DMRT1: variants seen among roughly 807,000 people sequenced by gnomAD.
DMRT1 encodes the protein doublesex and mab-3 related transcription factor 1.
In DMRT1, 7 loss-of-function variants were observed where a neutral mutation model predicts 32.3. That is an observed-to-expected ratio of 0.22 (90% CI 0.12 to 0.41). The LOEUF (loss-of-function observed/expected upper bound fraction) is 0.41. Among genes scored for constraint, DMRT1 ranks in the 10% least tolerant of loss-of-function variants. The probability of loss-of-function intolerance (pLI) is 1.00; values close to 1 mark genes in which losing one functional copy is unlikely to be tolerated. For missense variants in DMRT1, 625 were observed against 500.5 expected (o/e 1.25, Z -2.37); for synonymous variants, 278 against 206.1 (o/e 1.35, Z -2.99).
intron 2 of DMRT1, among the ~76,000 whole-genome samples, chr9:886,315 G>C (rs1040262159): frequency 1.3e-5 from 2 of 152,180 alleles, no homozygotes; most frequent in African/African-American, 4.8e-5. Context: ...CAGTGCAATG[G>C]TGCGATCTCG....
In DMRT1 at chr9:936,572, C is replaced by T. The variant is rs1469551194; in HGVS notation, c.967+19665C>T. On this transcript the variant is annotated intron_variant, in intron 4 of 4. Coordinates refer to ENST00000382276, the MANE Select transcript of DMRT1 (RefSeq NM_021951.3). ...TTCGAGACCAGCCTGGCCAACATGG[C>T]GAAACCCTGTCTCTACTAAAAATAC... is the stretch of plus-strand genomic sequence containing the variant. 2.6e-5 allele frequency among the ~76,000 whole-genome samples: 4 copies of T among 152,024 alleles called. No individual in the cohort carries two copies. In the South Asian group the frequency reaches 6.2e-4, roughly 24 times the overall value.
chr9:886,198 A>G (rs779489020), intron 2 of DMRT1, among the ~76,000 whole-genome samples: 53 of 152,182 alleles, frequency 3.5e-4, no homozygotes, highest in Non-Finnish European at 8.8e-5. Context: ...AGATCAAGGG[A>G]CTTGATAAAC....
At position 967,959 on chromosome 9, in the gene DMRT1, T is replaced by C. The variant is rs200423545; in HGVS notation, c.968-26T>C. 2.1e-5 allele frequency: 34 copies of C among 1,601,360 alleles called. No homozygotes were observed. In the African/African-American group the frequency reaches 2.5e-4, roughly 12 times the overall value. On this transcript the variant is annotated intron_variant, in intron 4 of 4. Transcript: ENST00000382276. ...ACATTACTCCCTTTCTCCCTTTCTC[T>C]CTTTCTCTCTCACCTCACTTCGCAG...
chr9:864,733 C>G (rs1297034152), intron 2 of DMRT1, among the ~76,000 whole-genome samples: 2 of 151,866 alleles, frequency 1.3e-5, no homozygotes, highest in Non-Finnish European at 2.9e-5. Flanking sequence ...ATCTCCTAAC[C>G]TTGCGATCCG....
chr9:917,462 C>T (rs998711977), intron 4 of DMRT1, among the ~76,000 whole-genome samples: 3 of 152,144 alleles, frequency 2.0e-5, no homozygotes, highest in South Asian at 2.1e-4. Flanking sequence ...CATAGTAACT[C>T]GACTTCAATT....
At chr9:884,420 A>G (rs6477354) in intron 2 of DMRT1, among the ~76,000 whole-genome samples, 112,974 of 151,126 alleles carry the variant, frequency 0.75, 42,519 homozygotes, top group African/African-American at 0.82. Flanking sequence ...CAAAGAACTG[A>G]ATGTGCAGAA....
chr9:892,847 TC>T (rs1817206193), intron 2 of DMRT1, among the ~76,000 whole-genome samples: 1 of 152,080 alleles, frequency 6.6e-6, no homozygotes, highest in Non-Finnish European at 1.5e-5. Context: ...CAGCCTCACT[TC>T]CCTGCCCATC....
chr9:888,377 C>A (rs1182811074), intron 2 of DMRT1, among the ~76,000 whole-genome samples: 1 of 151,432 alleles, frequency 6.6e-6, no homozygotes. Flanking sequence ...GCGATCTCGG[C>A]TCACTGCACC....
intron 2 of DMRT1, among the ~76,000 whole-genome samples, chr9:888,633 A>T (rs550870145): frequency 1.3e-5 from 2 of 152,192 alleles, no homozygotes; most frequent in Admixed American, 1.3e-4. Context: ...AATAGTCAGG[A>T]CTGTCACAGC....
chr9:929,194 C>T (rs1818628284), intron 4 of DMRT1, among the ~76,000 whole-genome samples: 1 of 152,144 alleles, frequency 6.6e-6, no homozygotes, highest in Non-Finnish European at 1.5e-5. Flanking sequence ...TGTACTTCAT[C>T]TGTGTCTTCT....
chr9:859,802 T>G (rs931180509), intron 2 of DMRT1, among the ~76,000 whole-genome samples: 1 of 152,146 alleles, frequency 6.6e-6, no homozygotes, highest in East Asian at 1.9e-4. Flanking sequence ...GCTGGCAAGT[T>G]GTGAAAAGAA....
intron 3 of DMRT1, among the ~76,000 whole-genome samples, chr9:904,401 C>T (rs1486901809): frequency 6.6e-6 from 1 of 152,100 alleles, no homozygotes; most frequent in Non-Finnish European, 1.5e-5. Flanking sequence ...TGTTCCTCAT[C>T]ATTTGAATAA....
intron 3 of DMRT1, among the ~76,000 whole-genome samples, chr9:901,645 A>G (rs1586591213): frequency 6.7e-6 from 1 of 149,750 alleles, no homozygotes; most frequent in East Asian, 2.0e-4. Flanking sequence ...AATTTTTAAG[A>G]CATAGTAGGA....
chr9:904,047 A>G (rs988747794), intron 3 of DMRT1, among the ~76,000 whole-genome samples: 8 of 152,242 alleles, frequency 5.3e-5, no homozygotes, highest in African/African-American at 1.9e-4. Context: ...CTACTTCACA[A>G]TTGAATCGGA....
At position 911,470 on chromosome 9, in the gene DMRT1, A is replaced by ATTTTTTTTTTTT. The variant is rs201141931; in HGVS notation, c.823-5263_823-5252dup. Among the ~76,000 whole-genome samples the ATTTTTTTTTTTT allele has an allele frequency of 6.0e-5, 4 of 66,946 alleles. 1 individual carries two copies. Among genetic ancestry groups the ATTTTTTTTTTTT allele is most frequent in the Non-Finnish European group, 1.2e-4 (3 of 25,458 alleles). 43.9% of individuals were successfully genotyped at this position (66,946 alleles called of 152,430 possible). On this transcript the variant is annotated intron_variant, in intron 3 of 4. Coordinates refer to ENST00000382276, the MANE Select transcript of DMRT1 (RefSeq NM_021951.3). ...CCATGCCTTTTTCTGGGTTAATTGC[A>ATTTTTTTTTTTT]TTTTTTTTTTTTTTTTTTTTTTTTT...
At chr9:890,597 A>G (rs1449055312) in intron 2 of DMRT1, among the ~76,000 whole-genome samples, 5 of 152,116 alleles carry the variant, frequency 3.3e-5, no homozygotes, top group Non-Finnish European at 1.5e-5. Flanking sequence ...GTTTTCCCAC[A>G]CACTCAGCCA....
intron 3 of DMRT1, among the ~76,000 whole-genome samples, chr9:906,441 G>C (rs1817781077): frequency 6.6e-6 from 1 of 152,186 alleles, no homozygotes. Flanking sequence ...TCTTACAGCA[G>C]CTAATCCAAG....
chr9:886,424 A>G (rs1816931911), intron 2 of DMRT1, among the ~76,000 whole-genome samples: 1 of 151,994 alleles, frequency 6.6e-6, no homozygotes, highest in African/African-American at 2.4e-5. Flanking sequence ...ACGCCCGGCT[A>G]GTTTTTCTGT....
chr9:862,271 T>G (rs1026275016), intron 2 of DMRT1, among the ~76,000 whole-genome samples: 4 of 152,090 alleles, frequency 2.6e-5, no homozygotes, highest in Admixed American at 2.0e-4. Context: ...AGGCCGAGGC[T>G]GGCAGACCAC....
Sources: allele counts gnomAD v4.1 joint callset (sites outside exome capture counted in the v4.1 genomes callset), GRCh38; gene constraint gnomAD v4.1.1; transcripts MANE v1.5; gene names NCBI Gene and HGNC (gene_info 2026-07-23, HGNC 2026-07-21).